The following SLC24A2 variants were observed in gnomAD, a reference collection of about 807,000 sequenced individuals.
SLC24A2 encodes sodium/potassium/calcium exchanger 2.
A neutral mutation model predicts 62.0 loss-of-function variants in SLC24A2; 36 were observed. The observed-to-expected ratio is 0.58, with a 90% CI of 0.44 to 0.77. The LOEUF (loss-of-function observed/expected upper bound fraction) is 0.77, where lower values mean the gene tolerates loss of function less well. Among genes scored for constraint, SLC24A2 ranks in the 30% least tolerant of loss-of-function variants. SLC24A2 has a pLI of 0.00. For synonymous variants in SLC24A2, 358 were observed against 294.0 expected, an observed-to-expected ratio of 1.22 and a Z score of -2.23; for missense variants, 846 against 817.9, an observed-to-expected ratio of 1.03 and a Z score of -0.42.
intron 2 of SLC24A2, among the ~76,000 whole-genome samples, chr9:19,769,184 G>C (rs552584221): frequency 6.6e-6 from 1 of 152,236 alleles, no homozygotes; most frequent in Non-Finnish European, 1.5e-5. Context: ...CATTCTTCTA[G>C]TTACACAGGA....
intron 7 of SLC24A2, among the ~76,000 whole-genome samples, chr9:19,560,796 T>C (rs1835349377): frequency 6.6e-6 from 1 of 152,116 alleles, no homozygotes; most frequent in Non-Finnish European, 1.5e-5. Context: ...TATTTTTAAA[T>C]TGTCCCTTTT....
chr9:20,202,651 G>A, the SLC24A2 span, among the ~76,000 whole-genome samples: 1 of 152,110 alleles, frequency 6.6e-6, no homozygotes, highest in African/African-American at 2.4e-5. Context: ...TTCTCCTTTG[G>A]GATTTAAATG....
chr9:19,584,273 T>TAAAA (rs5896848), intron 5 of SLC24A2, among the ~76,000 whole-genome samples: 11 of 119,916 alleles, frequency 9.2e-5, no homozygotes, highest in Middle Eastern at 4.2e-3. Flanking sequence ...TAGCAAATAG[T>TAAAA]AAAAAAAAAA....
chr9:20,109,458 G>T, the SLC24A2 span, among the ~76,000 whole-genome samples: 3 of 152,112 alleles, frequency 2.0e-5, no homozygotes. Context: ...CCGAATACTT[G>T]CTTCCCTTCT....
chr9:20,221,947 C>G, the SLC24A2 span, among the ~76,000 whole-genome samples: 1 of 151,530 alleles, frequency 6.6e-6, no homozygotes, highest in South Asian at 2.1e-4. Context: ...AAAGTGAACC[C>G]AGAAAAAAGA....
chr9:19,755,795 C>G (rs906152035), intron 2 of SLC24A2, among the ~76,000 whole-genome samples: 2 of 152,184 alleles, frequency 1.3e-5, no homozygotes, highest in Admixed American at 1.3e-4. Context: ...CAGTTTAATT[C>G]CTAATCGTAA....
chr9:20,174,216 T>C, the SLC24A2 span, among the ~76,000 whole-genome samples: 1 of 152,114 alleles, frequency 6.6e-6, no homozygotes, highest in Non-Finnish European at 1.5e-5. Flanking sequence ...GATTAAGGAC[T>C]TAAATCTAAG....
the SLC24A2 span, among the ~76,000 whole-genome samples, chr9:20,007,883 T>C: frequency 1.2e-4 from 5 of 42,894 alleles, no homozygotes; most frequent in Non-Finnish European, 1.8e-4. Flanking sequence ...TCCTCTCTTT[T>C]TTTTTTTTTT....
At chr9:19,569,544 C>A (rs1835780489) in intron 7 of SLC24A2, among the ~76,000 whole-genome samples, 1 of 152,160 alleles carries the variant, frequency 6.6e-6, no homozygotes, top group South Asian at 2.1e-4. Context: ...GTCTATCACA[C>A]CAGTACGTGT....
the SLC24A2 span, among the ~76,000 whole-genome samples, chr9:19,870,834 C>G: frequency 2.0e-5 from 3 of 151,920 alleles, no homozygotes; most frequent in Non-Finnish European, 4.4e-5. Context: ...AGATCCTTTG[C>G]CTATTTTTAA....
At chr9:20,034,455 T>TG in the SLC24A2 span, among the ~76,000 whole-genome samples, 3 of 134,156 alleles carry the variant, frequency 2.2e-5, no homozygotes, top group Non-Finnish European at 4.8e-5. Flanking sequence ...TTTTAAGTTT[T>TG]TTTTTTTTTT....
At chr9:19,646,940 C>A (rs1054174595) in intron 2 of SLC24A2, among the ~76,000 whole-genome samples, 2 of 152,012 alleles carry the variant, frequency 1.3e-5, no homozygotes, top group African/African-American at 4.8e-5. Context: ...GTGGCCCATT[C>A]CCCTGTAGAA....
At chr9:20,284,934 A>G in the SLC24A2 span, among the ~76,000 whole-genome samples, 1 of 152,258 alleles carries the variant, frequency 6.6e-6, no homozygotes, top group East Asian at 1.9e-4. Context: ...CTACAATGAT[A>G]TTGTTTGAGA....
At chr9:20,140,733 C>T in the SLC24A2 span, among the ~76,000 whole-genome samples, 1 of 152,116 alleles carries the variant, frequency 6.6e-6, no homozygotes, top group Non-Finnish European at 1.5e-5. Context: ...TTGATGTTAT[C>T]CACCCACAAC....
chr9:19,964,682 G>C, the SLC24A2 span, among the ~76,000 whole-genome samples: 17 of 152,190 alleles, frequency 1.1e-4, no homozygotes, highest in Non-Finnish European at 1.5e-5. Flanking sequence ...GCACAAGGGA[G>C]ATTCCCACCC....
chr9:19,846,802 G>A, the SLC24A2 span, among the ~76,000 whole-genome samples: 3 of 152,182 alleles, frequency 2.0e-5, no homozygotes, highest in Admixed American at 2.0e-4. Flanking sequence ...TGAGGCAGGA[G>A]GATTGCTTGA....
At chr9:19,620,048 T>C (rs373693313) in intron 3 of SLC24A2, among the ~76,000 whole-genome samples, 125 of 152,316 alleles carry the variant, frequency 8.2e-4, no homozygotes, top group African/African-American at 2.9e-3. Flanking sequence ...ACAAGTGAAA[T>C]GAGGTGCCCA....
At chr9:20,134,157 T>C in the SLC24A2 span, among the ~76,000 whole-genome samples, 3 of 152,168 alleles carry the variant, frequency 2.0e-5, no homozygotes, top group African/African-American at 7.2e-5. Flanking sequence ...AAGCTTCCTA[T>C]AGAAAAATTG....
At chr9:20,186,537 C>T in the SLC24A2 span, among the ~76,000 whole-genome samples, 4 of 152,176 alleles carry the variant, frequency 2.6e-5, no homozygotes, top group African/African-American at 9.7e-5. Flanking sequence ...CAGCTACCTA[C>T]CTGAACTACA....
Sources: gnomAD v4.1 joint callset for allele counts (sites outside exome capture counted in the v4.1 genomes callset) on GRCh38, gnomAD v4.1.1 for gene constraint, MANE v1.5 for transcripts, NCBI Gene and HGNC (gene_info 2026-07-23, HGNC 2026-07-21) for gene names.